Variants in PEMT observed in about 807,000 individuals in gnomAD.
The protein encoded by PEMT is phospholipid methyltransferase.
Under a neutral mutation model 27.4 loss-of-function variants are expected in PEMT, and 23 were observed. The observed-to-expected ratio is 0.84, with a 90% confidence interval of 0.60 to 1.19. The LOEUF is 1.19. Ranked by LOEUF, PEMT falls within the 50% of genes most tolerant of loss-of-function variation. PEMT has a pLI of 0.00. For synonymous variants in PEMT, 137 were observed against 139.1 expected (o/e 0.98, Z 0.11); for missense variants, 307 against 310.1 (o/e 0.99, Z 0.07).
chr17:17,548,736 T>C (rs1187667857), intron 2 of PEMT, among the ~76,000 whole-genome samples: 6 of 152,080 alleles, frequency 3.9e-5, no homozygotes, highest in Non-Finnish European at 8.8e-5. Context: ...TTAGTAGAGA[T>C]GGGGTTTCTC....
chr17:17,574,465 G>A (rs779486512), intron 2 of PEMT, among the ~76,000 whole-genome samples: 5 of 152,024 alleles, frequency 3.3e-5, no homozygotes, highest in South Asian at 2.1e-4. Flanking sequence ...GACTACAGGC[G>A]TACACCATCA....
intron 2 of PEMT, among the ~76,000 whole-genome samples, chr17:17,526,616 C>T (rs1907691445): frequency 6.6e-6 from 1 of 152,214 alleles, no homozygotes; most frequent in Non-Finnish European, 1.5e-5. Flanking sequence ...TGGGAACGGC[C>T]TCTGCCCATG....
In PEMT at chr17:17,522,468, C is replaced by A. The variant is rs1907351858; in HGVS notation, c.205-73G>T. The A allele has an allele frequency of 6.5e-6, 6 of 920,898 alleles. 1 individual carries two copies. Among genetic ancestry groups the A allele is most frequent in the Middle Eastern group, 4.3e-4 (2 of 4,694 alleles). The allele number at this position is 920,898 out of a possible 1,614,324, so 57.0% of individuals were successfully genotyped here. ...CCAGGGTGGGGGTGGGGAGCACATGCCTCTCTCTGCTTCCCAGGCTCCAAA... is the reference window on the plus strand; with the variant it reads ...CCAGGGTGGGGGTGGGGAGCACATGACTCTCTCTGCTTCCCAGGCTCCAAA... On this transcript the variant is annotated intron_variant, in intron 2 of 6. Transcript: ENST00000255389.
At chr17:17,575,786 C>T (rs1035976720) in intron 2 of PEMT, among the ~76,000 whole-genome samples, 11 of 152,220 alleles carry the variant, frequency 7.2e-5, no homozygotes, top group African/African-American at 1.9e-4. Flanking sequence ...CATCCATCCT[C>T]GGAGTGTGTC....
At chr17:17,554,864 C>A (rs930152311) in intron 2 of PEMT, among the ~76,000 whole-genome samples, 1 of 152,158 alleles carries the variant, frequency 6.6e-6, no homozygotes, top group Non-Finnish European at 1.5e-5. Flanking sequence ...GATCCACCCA[C>A]CTCGGCCTCC....
chr17:17,532,726 CA>C (rs1236104470), intron 2 of PEMT, among the ~76,000 whole-genome samples: 1 of 151,956 alleles, frequency 6.6e-6, no homozygotes, highest in East Asian at 1.9e-4. Context: ...TAAAAAAAGA[CA>C]AAAAACAAAA....
Position 17,505,853 on chromosome 17 carries a change from C to CG in PEMT, c.654-6dup, listed in dbSNP as rs1567654539. 1.2e-6 allele frequency: 2 copies of CG among 1,608,042 alleles called. No individual in the cohort carries two copies. ...TAGATCTCAGCGGTGAAGGGCCTGC[C>CG]GGGCAGCGGGGAGAGGCTTCGGTCA... is the stretch of plus-strand genomic sequence containing the variant. On this transcript the variant is annotated splice_polypyrimidine_tract_variant and splice_region_variant and intron_variant, in intron 6 of 6. Transcript: ENST00000255389.
intron 2 of PEMT, among the ~76,000 whole-genome samples, chr17:17,538,152 G>A (rs1458989568): frequency 6.6e-6 from 1 of 152,232 alleles, no homozygotes; most frequent in Non-Finnish European, 1.5e-5. Flanking sequence ...CCCCACGATG[G>A]TAGAGGGAGG....
At chr17:17,569,011 C>G (rs955313120) in intron 2 of PEMT, among the ~76,000 whole-genome samples, 3 of 152,200 alleles carry the variant, frequency 2.0e-5, no homozygotes, top group Non-Finnish European at 4.4e-5. Context: ...CAAGTGGACT[C>G]TCACCTCCCA....
At chr17:17,531,624 A>C (rs1908104173) in intron 2 of PEMT, among the ~76,000 whole-genome samples, 1 of 43,888 alleles carries the variant, frequency 2.3e-5, no homozygotes, top group Non-Finnish European at 4.6e-5. Flanking sequence ...TCATATGCAA[A>C]AAAAAAAAAA....
At chr17:17,507,295 G>T in intron 5 of PEMT, 2 of 1,013,200 alleles carry the variant, frequency 2.0e-6, no homozygotes, top group Non-Finnish European at 3.0e-6. Flanking sequence ...GGCAGGCCTG[G>T]GCCAGGGGCT....
At chr17:17,514,824 G>T (rs577724554) in intron 3 of PEMT, among the ~76,000 whole-genome samples, 1 of 152,372 alleles carries the variant, frequency 6.6e-6, no homozygotes, top group African/African-American at 2.4e-5. Flanking sequence ...CAGGAGCATG[G>T]CTCCCCTGCA....
chr17:17,574,811 T>A (rs1911469080), intron 2 of PEMT, among the ~76,000 whole-genome samples: 1 of 152,078 alleles, frequency 6.6e-6, no homozygotes, highest in South Asian at 2.1e-4. Context: ...GGGAGACCCA[T>A]ATGTACCTCA....
At chr17:17,575,049 G>A (rs1911486415) in intron 2 of PEMT, among the ~76,000 whole-genome samples, 1 of 152,134 alleles carries the variant, frequency 6.6e-6, no homozygotes, top group African/African-American at 2.4e-5. Flanking sequence ...GCCAACTTAG[G>A]GGCTGAAAAC....
At chr17:17,548,488 A>G (rs572543918) in intron 2 of PEMT, among the ~76,000 whole-genome samples, 176 of 152,318 alleles carry the variant, frequency 1.2e-3, no homozygotes, top group African/African-American at 3.7e-3. Flanking sequence ...TCCTCGAGGC[A>G]TCAGAACATC....
chr17:17,526,403 C>T (rs181275153), intron 2 of PEMT, among the ~76,000 whole-genome samples: 41 of 152,340 alleles, frequency 2.7e-4, no homozygotes, highest in African/African-American at 9.4e-4. Flanking sequence ...TAAACTGAGT[C>T]AGCTGCAAAG....
At chr17:17,576,826 G>A in intron 2 of PEMT, 94 bp downstream of exon 2, 1 of 976,454 alleles carries the variant, frequency 1.0e-6, no homozygotes, top group Non-Finnish European at 1.6e-6. Flanking sequence ...CTGTCTGTCT[G>A]GCCAGCCAGC....
At chr17:17,552,927 A>G (rs1224275844) in intron 2 of PEMT, among the ~76,000 whole-genome samples, 1 of 152,164 alleles carries the variant, frequency 6.6e-6, no homozygotes, top group Non-Finnish European at 1.5e-5. Context: ...CCCCCAGGCC[A>G]GGAGCCTTGG....
intron 2 of PEMT, among the ~76,000 whole-genome samples, chr17:17,574,758 C>T (rs1911466424): frequency 6.6e-6 from 1 of 152,160 alleles, no homozygotes; most frequent in Non-Finnish European, 1.5e-5. Flanking sequence ...TAAAAGCGTC[C>T]TCAGGACCTG....
Sources: gnomAD v4.1 joint callset for allele counts (sites outside exome capture counted in the v4.1 genomes callset) on GRCh38, gnomAD v4.1.1 for gene constraint, MANE v1.5 for transcripts, NCBI Gene and HGNC (gene_info 2026-07-23, HGNC 2026-07-21) for gene names.